Variants in LRCH3 observed in about 807,000 individuals in gnomAD.
LRCH3 encodes leucine rich repeats and calponin homology domain containing 3.
In LRCH3, 68 loss-of-function variants were observed where a neutral mutation model predicts 104.5. The observed-to-expected ratio is 0.65, with a 90% CI of 0.54 to 0.80. LRCH3 has a LOEUF of 0.80. Among genes scored for constraint, LRCH3 ranks in the 30% least tolerant of loss-of-function variants. The pLI is 0.00. For missense variants in LRCH3, 951 were observed against 953.9 expected (o/e 1.00, Z 0.04); for synonymous variants, 344 against 361.3 (o/e 0.95, Z 0.54).
rs527947480 is a variant in LRCH3 at position 197,817,121 on chromosome 3, A to C, written c.408-55A>C. The C allele has an allele frequency of 3.6e-4, 545 of 1,520,070 alleles. 3 individuals are homozygous for C. The Admixed American group carries it at 0.011, about 30-fold the overall frequency. 94.2% of individuals were successfully genotyped at this position (1,520,070 alleles called of 1,614,324 possible). A position where few individuals can be genotyped will look rare whatever the true frequency, so the allele number is the denominator to read the frequency against. On this transcript the variant is annotated intron_variant, in intron 2 of 20. Transcript: ENST00000425562. ...TGAGTATAGCGTGAGAAAGAGAGAAAATTTTTCTTCAGTGGTGGACTCTGA... is the reference window on the plus strand; with the variant it reads ...TGAGTATAGCGTGAGAAAGAGAGAACATTTTTCTTCAGTGGTGGACTCTGA...
At chr3:197,881,930 T>A in intron 20 of LRCH3, 1 of 985,438 alleles carries the variant, frequency 1.0e-6, no homozygotes. Context: ...CAAAAGACTG[T>A]TCACTATTAA....
chr3:197,820,263 AG>A, intron 3 of LRCH3, 61 bp from the exon 4 acceptor site: 1 of 1,152,546 alleles, frequency 8.7e-7, no homozygotes, highest in Non-Finnish European at 1.3e-6. Flanking sequence ...TTTTATAGAC[AG>A]TTTAAAGCAG....
intron 20 of LRCH3, among the ~76,000 whole-genome samples, chr3:197,879,396 C>T (rs1251072281): frequency 6.6e-6 from 1 of 152,138 alleles, no homozygotes; most frequent in South Asian, 2.1e-4. Context: ...CCTGTAATCC[C>T]AGCACTTTGG....
In LRCH3 at chr3:197,886,017, CA is replaced by C. The variant is rs1321924875; in HGVS notation, c.*2352del. 3 of 152,016 alleles carry C rather than the reference CA, an allele frequency of 2.0e-5. No individual in the cohort carries two copies. Among genetic ancestry groups the C allele is most frequent in the Non-Finnish European group, 2.9e-5 (2 of 68,000 alleles). 9.4% of individuals were successfully genotyped at this position (152,016 alleles called of 1,614,324 possible). On this transcript the variant is annotated 3_prime_UTR_variant, in exon 21 of 21. Coordinates refer to ENST00000425562, the MANE Select transcript of LRCH3 (RefSeq NM_001365715.1). ...TGTTCTTGCAGAGAAACAAATTCATCAGAACATTACCACTTGACCAGGTTTA... is the reference window on the plus strand; with the variant it reads ...TGTTCTTGCAGAGAAACAAATTCATCGAACATTACCACTTGACCAGGTTTA...
chr3:197,797,583 G>A (rs1485652780), intron 1 of LRCH3, among the ~76,000 whole-genome samples: 9 of 151,994 alleles, frequency 5.9e-5, no homozygotes, highest in South Asian at 2.1e-4. Flanking sequence ...AAACTAGGCC[G>A]GGCGCAGTGG....
chr3:197,804,918 A>G (rs922959682), intron 1 of LRCH3, among the ~76,000 whole-genome samples: 2 of 150,838 alleles, frequency 1.3e-5, no homozygotes, highest in African/African-American at 4.9e-5. Context: ...TTTTTGAGAC[A>G]GAGTCTCACT....
chr3:197,809,724 T>A (rs1361308671), intron 1 of LRCH3, among the ~76,000 whole-genome samples: 1 of 152,118 alleles, frequency 6.6e-6, no homozygotes, highest in Non-Finnish European at 1.5e-5. Context: ...TCTGTGTGTT[T>A]GTTTGTTTCC....
At position 197,884,171 on chromosome 3, in the gene LRCH3, T is replaced by G. The variant is rs1008892427; in HGVS notation, c.*505T>G. ...CCATTGCACATGTTTTTGTTTTTGT[T>G]GGAGAAGGAGTTCTGCTCAGTCGCC... On this transcript the variant is annotated 3_prime_UTR_variant, in exon 21 of 21. Coordinates refer to ENST00000425562, the MANE Select transcript of LRCH3 (RefSeq NM_001365715.1). The G allele has an allele frequency of 1.3e-5, 2 of 152,718 alleles. No homozygotes were observed. The highest frequency in any genetic ancestry group is 4.8e-5 in the African/African-American group (2 of 41,470). 9.5% of individuals were successfully genotyped at this position (152,718 alleles called of 1,614,324 possible).
In LRCH3 at chr3:197,854,428, G is replaced by A. The variant is rs1250564577; in HGVS notation, c.1627G>A (p.Asp543Asn). Reference protein sequence around the residue: ...FPSRRSQHTDDSALCMSLSGL... With the variant: ...FPSRRSQHTDNSALCMSLSGL... ...ATCCAGAAGGTCTCAGCACACTGAT[G>A]ATAGTGCCTTGTGCATGGTAAGAGT... The change falls in exon 14 of 21, where the codon GAT (aspartate) becomes AAT (asparagine). Residue 543 changes from aspartate (D) to asparagine (N), a missense_variant. Coordinates refer to ENST00000425562, the MANE Select transcript of LRCH3 (RefSeq NM_001365715.1). The surrounding 1 kb of genome is among the most constrained non-coding windows in gnomAD (Gnocchi z 4.5). The A allele has an allele frequency of 1.2e-6, 2 of 1,614,010 alleles. No homozygotes were observed.
intron 4 of LRCH3, among the ~76,000 whole-genome samples, chr3:197,825,732 G>A (rs1735127486): frequency 6.6e-6 from 1 of 151,824 alleles, no homozygotes; most frequent in South Asian, 2.1e-4. Flanking sequence ...GCCTGCCTCG[G>A]CCTCCCAAAG....
At chr3:197,880,135 C>G (rs866350978) in intron 20 of LRCH3, among the ~76,000 whole-genome samples, 3 of 150,526 alleles carry the variant, frequency 2.0e-5, no homozygotes, top group African/African-American at 4.9e-5. Flanking sequence ...TTAGTAAAGA[C>G]GGGGTTTCAC....
intron 12 of LRCH3, chr3:197,850,930 C>T: frequency 1.2e-6 from 1 of 812,508 alleles, no homozygotes; most frequent in Admixed American, 1.7e-5. Flanking sequence ...GTGGGGTTCT[C>T]CGGGTCAAGT....
At chr3:197,837,942 C>T (rs1405199747) in intron 9 of LRCH3, among the ~76,000 whole-genome samples, 1 of 152,114 alleles carries the variant, frequency 6.6e-6, no homozygotes, top group Non-Finnish European at 1.5e-5. Flanking sequence ...TGCCTGTAAT[C>T]CCAGCCACTC....
At chr3:197,859,668 A>G (rs975923926) in intron 15 of LRCH3, among the ~76,000 whole-genome samples, 2 of 152,216 alleles carry the variant, frequency 1.3e-5, no homozygotes, top group Non-Finnish European at 2.9e-5. Flanking sequence ...TCTCACTGTC[A>G]AGAAGACCTT....
intron 1 of LRCH3, among the ~76,000 whole-genome samples, chr3:197,805,727 A>G (rs895701797): frequency 4.0e-5 from 6 of 151,620 alleles, no homozygotes; most frequent in East Asian, 1.9e-4. Flanking sequence ...TAAGATCTCT[A>G]GGCATCTCCC....
At chr3:197,859,127 T>G (rs756024995) in intron 15 of LRCH3, 2 of 518,572 alleles carry the variant, frequency 3.9e-6, no homozygotes, top group Non-Finnish European at 6.9e-6. Context: ...GTATTCAGAT[T>G]GTTTGATGTG....
Position 197,875,703 on chromosome 3 carries a change from A to G in LRCH3, c.2136A>G (p.Lys712=). Residue 712 remains lysine (K), a synonymous_variant, in exon 20 of 21, where the codon AAA becomes AAG. Transcript: ENST00000425562. ...TTTTCTTTTCCTCATTTCAGCCTAAATTAACAATGGCGAAATGCAGGCGAA... is the reference window on the plus strand; with the variant it reads ...TTTTCTTTTCCTCATTTCAGCCTAAGTTAACAATGGCGAAATGCAGGCGAA... The part of the protein sequence containing the change: ...SIHVPSPAVP[K]LTMAKCRRNV... 1.3e-6 allele frequency: 2 copies of G among 1,534,432 alleles called. No homozygotes were observed. Among genetic ancestry groups the G allele is most frequent in the Non-Finnish European group, 1.7e-6 (2 of 1,146,454 alleles).
In LRCH3 at chr3:197,883,818, T is replaced by TC. The variant is rs1422917211; in HGVS notation, c.*154dup. 13 of 798,390 alleles carry TC rather than the reference T, an allele frequency of 1.6e-5. No individual in the cohort carries two copies. Among genetic ancestry groups the TC allele is most frequent in the Admixed American group, 4.0e-5 (1 of 24,976 alleles). 49.5% of individuals were successfully genotyped at this position (798,390 alleles called of 1,614,324 possible). On this transcript the variant is annotated 3_prime_UTR_variant, in exon 21 of 21. Coordinates refer to ENST00000425562, the MANE Select transcript of LRCH3 (RefSeq NM_001365715.1). This position sits in a 1 kb window ranked among gnomAD's most constrained non-coding sequence, Gnocchi z 4.2. ...TAACAGGAATATTTTGCTTCATTTC[T>TC]CCATTTTAGGGGAGGTTATTTCCAT... is the stretch of plus-strand genomic sequence containing the variant.
Position 197,866,168 on chromosome 3 carries a change from C to T in LRCH3, c.1822C>T (p.Arg608Cys), listed in dbSNP as rs375120361. The change falls in exon 17 of 21, where the codon CGC becomes TGC. Residue 608 changes from arginine to cysteine, a missense_variant. Coordinates refer to ENST00000425562, the MANE Select transcript of LRCH3 (RefSeq NM_001365715.1). ...TGCTATCCAGAGAAATCAGCCTCAG[C>T]GCCCTGAAAGCTTCCTTTTCCGAGC... is the stretch of plus-strand genomic sequence containing the variant. ...PAAIQRNQPQ[R>C]PESFLFRAGV... The T allele has an allele frequency of 6.2e-6, 10 of 1,614,078 alleles. No individual in the cohort carries two copies. Among genetic ancestry groups the T allele is most frequent in the African/African-American group, 4.0e-5 (3 of 75,028 alleles).
Sources: gnomAD v4.1 joint callset for allele counts (sites outside exome capture counted in the v4.1 genomes callset) on GRCh38, gnomAD v4.1.1 for gene constraint, Gnocchi (gnomAD v3.1) non-coding constraint, MANE v1.5 for transcripts, NCBI Gene and HGNC (gene_info 2026-07-23, HGNC 2026-07-21) for gene names.